Variants in TBC1D5 observed in about 807,000 individuals in gnomAD.
The protein encoded by TBC1D5 is TBC1 domain family, member 5.
In TBC1D5, 75 loss-of-function variants were observed where a neutral mutation model predicts 100.3. The ratio of observed to expected loss-of-function variants is 0.75; its 90% CI spans 0.62 to 0.91. TBC1D5 has a LOEUF of 0.91. Ranked by LOEUF, TBC1D5 falls within the 40% of genes least tolerant of loss-of-function variation. TBC1D5 has a pLI of 0.00. For missense variants in TBC1D5, 910 were observed against 942.4 expected (o/e 0.97, Z 0.45); for synonymous variants, 323 against 325.6 (o/e 0.99, Z 0.09).
At chr3:17,265,711 T>A (rs1267525565) in intron 15 of TBC1D5, among the ~76,000 whole-genome samples, 1 of 152,146 alleles carries the variant, frequency 6.6e-6, no homozygotes, top group Non-Finnish European at 1.5e-5. Context: ...GTTAGTTTAA[T>A]ACGCTGTAAC....
intron 3 of TBC1D5, among the ~76,000 whole-genome samples, chr3:17,475,386 T>A (rs2095426675): frequency 6.6e-6 from 1 of 152,024 alleles, no homozygotes; most frequent in African/African-American, 2.4e-5. Flanking sequence ...CCTCCAAATT[T>A]AATTTTCTAT....
intron 3 of TBC1D5, among the ~76,000 whole-genome samples, chr3:17,487,425 G>GAGAATTA (rs2095583430): frequency 6.6e-6 from 1 of 152,052 alleles, no homozygotes; most frequent in African/African-American, 2.4e-5. Flanking sequence ...TTTTTGAAAA[G>GAGAATTA]CACTTTGCTC....
At chr3:17,311,847 G>A (rs908756249) in intron 13 of TBC1D5, among the ~76,000 whole-genome samples, 2 of 151,994 alleles carry the variant, frequency 1.3e-5, no homozygotes, top group Admixed American at 1.3e-4. Flanking sequence ...CACTAGGTGA[G>A]CATGCTTACA....
At chr3:17,481,739 CTTT>C (rs759406780) in intron 3 of TBC1D5, among the ~76,000 whole-genome samples, 1 of 152,014 alleles carries the variant, frequency 6.6e-6, no homozygotes, top group African/African-American at 2.4e-5. Flanking sequence ...TGGCAAATGA[CTTT>C]ATTTTTTTTT....
Position 17,327,749 on chromosome 3 carries a change from G to C in TBC1D5, c.996-19615C>G, listed in dbSNP as rs191755572. On this transcript the variant is annotated intron_variant, in intron 13 of 21. Coordinates refer to ENST00000253692, the Ensembl canonical transcript of TBC1D5. ...AACATTACCTATATTTCATGTTCTCGTATTTACTATGTCCCCCACTATAAC... is the reference window on the plus strand; with the variant it reads ...AACATTACCTATATTTCATGTTCTCCTATTTACTATGTCCCCCACTATAAC... Among the ~76,000 whole-genome samples, 3 of 151,714 alleles carry C rather than the reference G, an allele frequency of 2.0e-5. No homozygotes were observed. In the East Asian group the frequency reaches 5.8e-4, roughly 29 times the overall value.
chr3:17,532,886 A>T (rs908452835), intron 2 of TBC1D5, among the ~76,000 whole-genome samples: 1 of 152,064 alleles, frequency 6.6e-6, no homozygotes, highest in Non-Finnish European at 1.5e-5. Context: ...AGCGAATACT[A>T]AATGAGGAGT....
At chr3:17,434,529 T>A (rs372656547) in intron 3 of TBC1D5, among the ~76,000 whole-genome samples, 61 of 152,342 alleles carry the variant, frequency 4.0e-4, no homozygotes, top group African/African-American at 1.4e-3. Context: ...CATATCACTG[T>A]ACCCCCTCCC....
rs140351295 is a variant in TBC1D5 at position 17,164,944 on chromosome 3, C to A, written c.2094+1823G>T. ...TTCAGGAGTACTAGCTTTGTATAAA[C>A]TGCTAACAGCTATGGGGAAGGGCCA... On this transcript the variant is annotated intron_variant, in intron 21 of 21. Transcript: ENST00000253692. 4.6e-4 allele frequency among the ~76,000 whole-genome samples: 70 copies of A among 152,332 alleles called. No homozygotes were observed. The East Asian group carries it at 5.6e-3, about 12-fold the overall frequency.
chr3:17,357,483 G>T (rs1005464931), intron 13 of TBC1D5, among the ~76,000 whole-genome samples: 5 of 152,112 alleles, frequency 3.3e-5, no homozygotes, highest in Non-Finnish European at 5.9e-5. Context: ...AATACCAACC[G>T]GCAGAGGCCT....
chr3:17,229,121 G>C (rs1269312463), intron 17 of TBC1D5, among the ~76,000 whole-genome samples: 2 of 152,094 alleles, frequency 1.3e-5, no homozygotes. Flanking sequence ...AAATGTTCAG[G>C]AGGTCTACGG....
intron 8 of TBC1D5, among the ~76,000 whole-genome samples, chr3:17,386,411 A>G (rs906512662): frequency 6.6e-6 from 1 of 151,474 alleles, no homozygotes; most frequent in Non-Finnish European, 1.5e-5. Flanking sequence ...TTAATACCTA[A>G]AAACTAAAAA....
intron 2 of TBC1D5, among the ~76,000 whole-genome samples, chr3:17,522,356 C>G (rs1325832689): frequency 6.6e-6 from 1 of 151,682 alleles, no homozygotes; most frequent in African/African-American, 2.4e-5. Flanking sequence ...TATAAGCCCT[C>G]AAAATGGGAA....
At chr3:17,515,721 C>T (rs958485784) in intron 2 of TBC1D5, among the ~76,000 whole-genome samples, 1 of 152,128 alleles carries the variant, frequency 6.6e-6, no homozygotes, top group African/African-American at 2.4e-5. Flanking sequence ...GTTTCGAAAT[C>T]TGAGATATTG....
chr3:17,398,880 A>ATCCCT (rs1358600476), intron 8 of TBC1D5, among the ~76,000 whole-genome samples: 5 of 152,142 alleles, frequency 3.3e-5, no homozygotes, highest in African/African-American at 1.2e-4. Context: ...AAATAAATAA[A>ATCCCT]AGACCAAACA....
At chr3:17,426,964 T>G (rs1050526798) in intron 4 of TBC1D5, among the ~76,000 whole-genome samples, 1 of 152,020 alleles carries the variant, frequency 6.6e-6, no homozygotes, top group Non-Finnish European at 1.5e-5. Context: ...CATATTAAGA[T>G]TCCTCTGTTA....
intron 17 of TBC1D5, 76 bp from the exon 19 acceptor site, chr3:17,214,446 A>G (rs2073381623): frequency 6.9e-7 from 1 of 1,445,972 alleles, no homozygotes; most frequent in Admixed American, 2.1e-5. Context: ...GTTTTTAATA[A>G]ATGATGATCA....
At chr3:17,179,049 G>A (rs1354327027) in intron 19 of TBC1D5, among the ~76,000 whole-genome samples, 2 of 152,164 alleles carry the variant, frequency 1.3e-5, no homozygotes, top group African/African-American at 4.8e-5. Context: ...CTGGCCTCAA[G>A]TGATCCTCCC....
intron 3 of TBC1D5, among the ~76,000 whole-genome samples, chr3:17,500,489 T>G (rs370558926): frequency 4.0e-5 from 6 of 149,822 alleles, no homozygotes; most frequent in Non-Finnish European, 8.8e-5. Flanking sequence ...GATTTTTAGT[T>G]CACTTCCTGT....
intron 2 of TBC1D5, among the ~76,000 whole-genome samples, chr3:17,602,101 T>G (rs147591010): frequency 0.017 from 2,525 of 152,270 alleles, 51 homozygotes; most frequent in South Asian, 0.048. Context: ...AAAGTACTGG[T>G]ATTACAGGCG....
Sources: gnomAD v4.1 joint callset for allele counts (sites outside exome capture counted in the v4.1 genomes callset) on GRCh38, gnomAD v4.1.1 for gene constraint, MANE v1.5 for transcripts, NCBI Gene and HGNC (gene_info 2026-07-23, HGNC 2026-07-21) for gene names.